The following TENT4B variants were observed in gnomAD, a reference collection of about 807,000 sequenced individuals.
TENT4B encodes the protein PAP associated domain containing 5.
Under a neutral mutation model 75.0 loss-of-function variants are expected in TENT4B, and 10 were observed. The observed-to-expected ratio is 0.13, with a 90% CI of 0.08 to 0.23. The LOEUF is 0.23. TENT4B is among the 10% of genes least tolerant of loss of function. TENT4B has a pLI of 1.00. For missense variants in TENT4B, 579 were observed against 893.8 expected (o/e 0.65, Z 4.49); for synonymous variants, 350 against 357.7 (o/e 0.98, Z 0.24).
At position 50,232,311 on chromosome 16, in the gene TENT4B, C is replaced by G. The variant is rs1450838217; in HGVS notation, c.*2983C>G. 2 of 985,180 alleles carry G rather than the reference C, an allele frequency of 2.0e-6. No individual in the cohort carries two copies. Among genetic ancestry groups the G allele is most frequent in the South Asian group, 9.4e-5 (2 of 21,280 alleles). The allele number at this position is 985,180 out of a possible 1,614,324, so 61.0% of individuals were successfully genotyped here. On this transcript the variant is annotated 3_prime_UTR_variant, in exon 12 of 12. Coordinates refer to ENST00000561678, the MANE Select transcript of TENT4B (RefSeq NM_001365324.3). Reference sequence around the variant, plus strand: ...CCTATGTTTTTTACAAGTAATTGCCCTCCAGTCTTCAACAGTTGATTCTGT... The same window carrying G: ...CCTATGTTTTTTACAAGTAATTGCCGTCCAGTCTTCAACAGTTGATTCTGT...
At chr16:50,194,035 T>C (rs1251799083) in intron 1 of TENT4B, among the ~76,000 whole-genome samples, 1 of 152,174 alleles carries the variant, frequency 6.6e-6, no homozygotes, top group Non-Finnish European at 1.5e-5. Context: ...GCTAGAAAAG[T>C]CTGAGCCAGG....
Position 50,229,537 on chromosome 16 carries a change from A to C in TENT4B, c.*209A>C. On this transcript the variant is annotated 3_prime_UTR_variant, in exon 12 of 12. Transcript: ENST00000561678. ...AAAACAAAAAAAAAAGCAAGCAAAA[A>C]AGAGGGAAAAAAAAGGCTGCTTATT... The C allele has an allele frequency of 7.9e-7, 1 of 1,264,836 alleles. No individual in the cohort carries two copies. Among genetic ancestry groups the C allele is most frequent in the East Asian group, 3.2e-5 (1 of 30,788 alleles). The allele number at this position is 1,264,836 out of a possible 1,614,324, so 78.4% of individuals were successfully genotyped here.
chr16:50,180,681 C>T (rs1203131960), intron 1 of TENT4B, among the ~76,000 whole-genome samples: 1 of 150,632 alleles, frequency 6.6e-6, no homozygotes, highest in African/African-American at 2.4e-5. Context: ...TGCACTCCAG[C>T]CTGGGTGACA....
chr16:50,209,633 GT>G (rs1235096015), intron 1 of TENT4B, among the ~76,000 whole-genome samples: 3 of 152,144 alleles, frequency 2.0e-5, no homozygotes, highest in African/African-American at 2.4e-5. Context: ...AAAGGCCCAG[GT>G]TTTGAAACTG....
At chr16:50,196,948 A>C (rs1013535339) in intron 1 of TENT4B, among the ~76,000 whole-genome samples, 4 of 151,572 alleles carry the variant, frequency 2.6e-5, no homozygotes, top group Non-Finnish European at 5.9e-5. Context: ...AAAAAAAAAA[A>C]TAGTACAACT....
intron 1 of TENT4B, among the ~76,000 whole-genome samples, chr16:50,185,868 CT>C (rs1341917205): frequency 6.6e-6 from 1 of 152,098 alleles, no homozygotes; most frequent in African/African-American, 2.4e-5. Flanking sequence ...TCCATCCGTA[CT>C]TTTATGCTCT....
intron 11 of TENT4B, 92 bp from the exon 12 acceptor site, chr16:50,229,060 T>C: frequency 1.3e-6 from 2 of 1,549,522 alleles, no homozygotes; most frequent in Non-Finnish European, 1.7e-6. Context: ...AGCATATTCC[T>C]AGTTTTGAAA....
At chr16:50,171,690 C>G (rs1416473348) in intron 1 of TENT4B, among the ~76,000 whole-genome samples, 1 of 152,028 alleles carries the variant, frequency 6.6e-6, no homozygotes, top group Non-Finnish European at 1.5e-5. Flanking sequence ...GTAGGCCAGG[C>G]ACAGTGACTT....
intron 1 of TENT4B, among the ~76,000 whole-genome samples, chr16:50,210,077 C>T (rs1009807563): frequency 1.2e-4 from 19 of 152,162 alleles, no homozygotes; most frequent in African/African-American, 4.1e-4. Context: ...CCTCCTTCCC[C>T]TAAGGCACTT....
rs12932594 is a variant in TENT4B at position 50,229,241 on chromosome 16, A to T, written c.2055A>T (p.Gln685His). 4,430 of 1,614,046 alleles carry T rather than the reference A, an allele frequency of 2.7e-3. 15 individuals are homozygous for T. Among genetic ancestry groups the T allele is most frequent in the Non-Finnish European group, 3.4e-3 (3,986 of 1,179,904 alleles). Residue 685 changes from glutamine (Q) to histidine (H), a missense_variant, in exon 12 of 12, where the codon CAA becomes CAT. By Grantham distance (24) the Gln-to-His change is conservative. Around this residue, in one of 7 missense-constraint regions of TENT4B, gnomAD observed 164 missense variants for 226.5 expected, o/e 0.72. Coordinates refer to ENST00000561678, the MANE Select transcript of TENT4B (RefSeq NM_001365324.3). ...TSHGSLMTNK[Q>H]HQGKSNNQYY... is the part of the protein sequence containing the mutation. ...ATGGTTCCTTGATGACAAACAAACA[A>T]CATCAAGGCAAATCCAATAATCAGT...
chr16:50,204,731 G>C (rs926995913), intron 1 of TENT4B, among the ~76,000 whole-genome samples: 2 of 152,218 alleles, frequency 1.3e-5, no homozygotes, highest in Non-Finnish European at 1.5e-5. Flanking sequence ...CCAGAGGAAA[G>C]TCCTGCTAGC....
intron 1 of TENT4B, among the ~76,000 whole-genome samples, chr16:50,156,887 G>A (rs906878459): frequency 1.3e-5 from 2 of 151,964 alleles, no homozygotes; most frequent in Non-Finnish European, 2.9e-5. Context: ...GTCTTCAACC[G>A]GCCTCAAGCA....
chr16:50,214,270 T>G lies in TENT4B; in HGVS notation c.809+3T>G, dbSNP rs1211949803. ...ACTGGACTTTATTTACCTACTAGGT[T>G]AGTACACTCATGAATCTTTCAAAGG... is the stretch of plus-strand genomic sequence containing the variant. On this transcript the variant is annotated splice_donor_region_variant and intron_variant, in intron 3 of 11. Coordinates refer to ENST00000561678, the MANE Select transcript of TENT4B (RefSeq NM_001365324.3). 1 of 1,582,148 alleles carries G rather than the reference T, an allele frequency of 6.3e-7. No individual in the cohort carries two copies. Among genetic ancestry groups the G allele is most frequent in the South Asian group, 1.1e-5 (1 of 89,062 alleles).
chr16:50,178,597 A>G (rs1258310264), intron 1 of TENT4B, among the ~76,000 whole-genome samples: 1 of 152,226 alleles, frequency 6.6e-6, no homozygotes, highest in African/African-American at 2.4e-5. Flanking sequence ...GTGTATGAAT[A>G]CAATGGGCTA....
intron 1 of TENT4B, among the ~76,000 whole-genome samples, chr16:50,206,254 G>T (rs990288511): frequency 2.4e-4 from 36 of 151,532 alleles, no homozygotes; most frequent in African/African-American, 7.8e-4. Context: ...AGGAGAGATT[G>T]TAGTAATTTA....
In TENT4B at chr16:50,228,077, T is replaced by C. The variant is rs150648082; in HGVS notation, c.1965+74T>C. On this transcript the variant is annotated intron_variant, in intron 11 of 11. Coordinates refer to ENST00000561678, the MANE Select transcript of TENT4B (RefSeq NM_001365324.3). ...TAGAATTTCCCACATGTAAATAATA[T>C]GCAGCATGGGTTTGAAGAAAACGCT... 1.8e-4 allele frequency: 275 copies of C among 1,520,202 alleles called. No homozygotes were observed. The African/African-American group carries it at 3.3e-3, about 18-fold the overall frequency. 94.2% of individuals were successfully genotyped at this position (1,520,202 alleles called of 1,614,324 possible).
intron 1 of TENT4B, among the ~76,000 whole-genome samples, chr16:50,185,212 A>G (rs2038502922): frequency 6.6e-6 from 1 of 152,222 alleles, no homozygotes; most frequent in Non-Finnish European, 1.5e-5. Context: ...TAAGTAAATT[A>G]TCAACCAATC....
At chr16:50,176,133 C>T (rs1283694702) in intron 1 of TENT4B, among the ~76,000 whole-genome samples, 1 of 151,044 alleles carries the variant, frequency 6.6e-6, no homozygotes, top group East Asian at 2.0e-4. Flanking sequence ...GTTGCCCAGG[C>T]TGGAGTGCAG....
Position 50,230,915 on chromosome 16 carries a change from T to TCA in TENT4B, c.*1587_*1588insCA, listed in dbSNP as rs1567518032. The TCA allele has an allele frequency of 2.0e-6, 2 of 978,944 alleles. No homozygotes were observed. The highest frequency in any genetic ancestry group is 1.2e-6 in the Non-Finnish European group (1 of 823,902). The allele number at this position is 978,944 out of a possible 1,614,324, so 60.6% of individuals were successfully genotyped here. On this transcript the variant is annotated 3_prime_UTR_variant, in exon 12 of 12. Transcript: ENST00000561678. ...CAGCCATTTCTGAGACGAGATTCTT[T>TCA]TATATATATATACATATAAAGTACT...
Sources: gnomAD v4.1 joint callset for allele counts (sites outside exome capture counted in the v4.1 genomes callset) on GRCh38, gnomAD v4.1.1 for gene constraint, gnomAD v4.1.1 regional missense constraint, MANE v1.5 for transcripts, NCBI Gene and HGNC (gene_info 2026-07-23, HGNC 2026-07-21) for gene names.